MYH11: variants seen among roughly 807,000 people sequenced by gnomAD.
MYH11 encodes myosin-11.
Under a neutral mutation model 246.6 loss-of-function variants are expected in MYH11, and 80 were observed. The ratio of observed to expected loss-of-function variants is 0.32; its 90% CI spans 0.27 to 0.39. MYH11 has a LOEUF of 0.39. Ranked by LOEUF, MYH11 falls within the 10% of genes least tolerant of loss-of-function variation. The probability of loss-of-function intolerance (pLI) is 1.00; values close to 1 mark genes in which losing one functional copy is unlikely to be tolerated. For synonymous variants in MYH11, 1,071 were observed against 1,015.5 expected (o/e 1.05, Z -1.04); for missense variants, 2,158 against 2,546.8 (o/e 0.85, Z 3.29).
intron 40 of MYH11, among the ~76,000 whole-genome samples, chr16:15,711,973 T>G (rs867599770): frequency 1.3e-5 from 2 of 152,098 alleles, no homozygotes; most frequent in African/African-American, 4.8e-5. Context: ...GATTAAGGGG[T>G]GAGCCACTGC....
At position 15,726,469 on chromosome 16, in the gene MYH11, C is replaced by G. The variant is rs1007098986; in HGVS notation, c.3858+379G>C. ...CACTGCAACCTCTGCCTCCTGGGTT[C>G]AAGCTATTCTCCTGCCTCAGCCTCC... On this transcript the variant is annotated intron_variant, in intron 28 of 40. Coordinates refer to ENST00000300036, the MANE Select transcript of MYH11 (RefSeq NM_002474.3). 8 of 340,460 alleles carry G rather than the reference C, an allele frequency of 2.3e-5. No individual in the cohort carries two copies. The Admixed American group carries it at 2.9e-4, about 12-fold the overall frequency. 21.1% of individuals were successfully genotyped at this position (340,460 alleles called of 1,614,324 possible). A position where few individuals can be genotyped will look rare whatever the true frequency, so the allele number is the denominator to read the frequency against.
At chr16:15,736,124 C>T (rs2041110603) in intron 25 of MYH11, among the ~76,000 whole-genome samples, 1 of 152,156 alleles carries the variant, frequency 6.6e-6, no homozygotes, top group Admixed American at 6.5e-5. Flanking sequence ...GAGAGGCAAG[C>T]ACTTTGATTT....
At chr16:15,739,640 C>T (rs2041215649) in intron 23 of MYH11, among the ~76,000 whole-genome samples, 1 of 152,190 alleles carries the variant, frequency 6.6e-6, no homozygotes, top group Non-Finnish European at 1.5e-5. Context: ...ACCAGCTTGT[C>T]CTGGTTTTCT....
chr16:15,800,636 GAT>G (rs1295511673), intron 3 of MYH11, among the ~76,000 whole-genome samples: 3 of 151,358 alleles, frequency 2.0e-5, no homozygotes, highest in African/African-American at 4.9e-5. Context: ...TGGATGGATG[GAT>G]GGATGGGAAT....
rs1213139426 is a variant in MYH11, at chr16:15,703,645, A to G, written c.*346T>C. 3 of 418,372 alleles carry G rather than the reference A, an allele frequency of 7.2e-6. No individual in the cohort carries two copies. The highest frequency in any genetic ancestry group is 4.0e-5 in the African/African-American group (2 of 50,250). The allele number at this position is 418,372 out of a possible 1,614,324, so 25.9% of individuals were successfully genotyped here. ...TCTCTGTTGCCCAGGCTGGAGTGCA[A>G]TGATGCAATTATAGCTCATTGCAGC... is the stretch of plus-strand genomic sequence containing the variant. On this transcript the variant is annotated 3_prime_UTR_variant, in exon 41 of 41. Coordinates refer to ENST00000300036, the MANE Select transcript of MYH11 (RefSeq NM_002474.3).
chr16:15,851,321 G>C (rs2044323172), intron 1 of MYH11, among the ~76,000 whole-genome samples: 1 of 152,010 alleles, frequency 6.6e-6, no homozygotes, highest in Admixed American at 6.6e-5. Context: ...GTATTTATTG[G>C]GCCCCTTGTA....
intron 8 of MYH11, among the ~76,000 whole-genome samples, chr16:15,775,509 G>A (rs555173215): frequency 6.6e-6 from 1 of 152,282 alleles, no homozygotes; most frequent in South Asian, 2.1e-4. Context: ...ATTGCCTGTG[G>A]CTGCTCTTGT....
intron 27 of MYH11, among the ~76,000 whole-genome samples, chr16:15,727,334 G>A (rs1465004808): frequency 1.3e-5 from 2 of 152,008 alleles, no homozygotes; most frequent in Non-Finnish European, 2.9e-5. Flanking sequence ...CCAAGTAGCT[G>A]GGATTACAGG....
Position 15,832,496 on chromosome 16 carries a change from C to A in MYH11, c.345+5412G>T, listed in dbSNP as rs189940371. On this transcript the variant is annotated intron_variant, in intron 2 of 40. Coordinates refer to ENST00000300036, the MANE Select transcript of MYH11 (RefSeq NM_002474.3). ...CTGCGGAAAAGCAGAGCAAAAAGCCCATCTCACAGGGACTGCTACTCGCAC... is the reference window on the plus strand; with the variant it reads ...CTGCGGAAAAGCAGAGCAAAAAGCCAATCTCACAGGGACTGCTACTCGCAC... Among the ~76,000 whole-genome samples the A allele has an allele frequency of 2.0e-5, 3 of 152,346 alleles. 1 individual carries two copies. The East Asian group carries it at 5.8e-4, about 29-fold the overall frequency.
intron 35 of MYH11, 123 bp from the exon 36 acceptor site, chr16:15,719,431 C>G (rs1015481365): frequency 6.8e-7 from 1 of 1,473,650 alleles, no homozygotes; most frequent in South Asian, 1.1e-5. Flanking sequence ...GGGGAGGCCC[C>G]GTGAATACAT....
rs1192865849 is a variant in MYH11 at position 15,747,669 on chromosome 16, C to T, written c.2312G>A (p.Arg771Gln). 2 of 1,613,944 alleles carry T rather than the reference C, an allele frequency of 1.2e-6. No homozygotes were observed. The highest frequency in any genetic ancestry group is 1.7e-6 in the Non-Finnish European group (2 of 1,180,028). Residue 771 changes from arginine (R) to glutamine (Q), a missense_variant, in exon 19 of 41, where the codon CGA (arginine) becomes CAA (glutamine). Around this residue, in one of 11 missense-constraint regions of MYH11, gnomAD observed 56 missense variants for 47.2 expected, o/e 1.19. Transcript: ENST00000300036. Reference sequence around the variant, plus strand: ...CTCTAGGTGGGCCAGGACGCCAGTTCGGAAGAAGATTTTGCTCTGCCCTAT... The same window carrying T: ...CTCTAGGTGGGCCAGGACGCCAGTTTGGAAGAAGATTTTGCTCTGCCCTAT... ...YRIGQSKIFF[R>Q]TGVLAHLEEE...
chr16:15,756,552 C>T (rs780854366), intron 13 of MYH11, 38 bp from the exon 14 acceptor site: 2 of 1,611,380 alleles, frequency 1.2e-6, no homozygotes, highest in African/African-American at 2.7e-5. Context: ...AGAGAGAACA[C>T]CCAACCTCAG....
rs555978072 is a variant in MYH11, at chr16:15,776,281, C to G, written c.791-105G>C. On this transcript the variant is annotated intron_variant, in intron 7 of 40. Coordinates refer to ENST00000300036, the MANE Select transcript of MYH11 (RefSeq NM_002474.3). ...ATTCACATGGGATGACTTTCCAGTT[C>G]TACCCCTGGGATCGGTAATGTCTAA... is the stretch of plus-strand genomic sequence containing the variant. 4.6e-5 allele frequency: 37 copies of G among 806,002 alleles called. No homozygotes were observed. The South Asian group carries it at 5.3e-4, about 11-fold the overall frequency. The allele number at this position is 806,002 out of a possible 1,614,324, so 49.9% of individuals were successfully genotyped here. A position where few individuals can be genotyped will look rare whatever the true frequency, so the allele number is the denominator to read the frequency against.
chr16:15,801,138 G>A (rs1217611466), intron 3 of MYH11, among the ~76,000 whole-genome samples: 17 of 152,156 alleles, frequency 1.1e-4, no homozygotes, highest in Admixed American at 3.9e-4. Context: ...CTCAGGAGGC[G>A]GACGTTGCAG....
At chr16:15,793,676 C>T (rs1363736736) in intron 4 of MYH11, among the ~76,000 whole-genome samples, 1 of 134,958 alleles carries the variant, frequency 7.4e-6, no homozygotes, top group East Asian at 2.2e-4. Context: ...CTGGAGTGCA[C>T]TGGCGTGATC....
intron 9 of MYH11, among the ~76,000 whole-genome samples, chr16:15,769,946 C>T (rs1007838099): frequency 6.6e-6 from 1 of 152,172 alleles, no homozygotes; most frequent in African/African-American, 2.4e-5. Context: ...CAGGCATGAG[C>T]CACTGTGCCC....
chr16:15,829,053 G>A (rs62031669), intron 2 of MYH11, among the ~76,000 whole-genome samples: 8,283 of 151,554 alleles, frequency 0.055, 277 homozygotes, highest in Middle Eastern at 0.092. Flanking sequence ...GTGTGGTGGC[G>A]CATGCCTGTA....
At chr16:15,845,563 G>T (rs78594250) in intron 1 of MYH11, among the ~76,000 whole-genome samples, 6 of 152,274 alleles carry the variant, frequency 3.9e-5, no homozygotes, top group African/African-American at 1.2e-4. Context: ...CACAGAAGTG[G>T]CTTGATACGA....
At chr16:15,783,984 G>T (rs984951653) in intron 5 of MYH11, among the ~76,000 whole-genome samples, 1 of 152,088 alleles carries the variant, frequency 6.6e-6, no homozygotes, top group African/African-American at 2.4e-5. Context: ...TTTCTTCTAG[G>T]CTGGGACCCA....
Sources: allele counts gnomAD v4.1 joint callset (sites outside exome capture counted in the v4.1 genomes callset), GRCh38; gene constraint gnomAD v4.1.1; regional missense constraint gnomAD v4.1.1; transcripts MANE v1.5; gene names NCBI Gene and HGNC (gene_info 2026-07-23, HGNC 2026-07-21).